Variants in TENM4 observed in about 807,000 individuals in gnomAD.
TENM4 encodes the protein teneurin transmembrane protein 4.
Under a neutral mutation model 243.3 loss-of-function variants are expected in TENM4, and 82 were observed. That is an observed-to-expected ratio of 0.34 (90% CI 0.28 to 0.40). The LOEUF (loss-of-function observed/expected upper bound fraction) is 0.40, where lower values mean the gene tolerates loss of function less well. Ranked by LOEUF, TENM4 falls within the 10% of genes least tolerant of loss-of-function variation. The pLI, the probability that TENM4 is intolerant of heterozygous loss-of-function variation, is 1.00. For missense variants in TENM4, 3,138 were observed against 3,673.3 expected (o/e 0.85, Z 3.77); for synonymous variants, 1,412 against 1,456.3 (o/e 0.97, Z 0.69).
intron 6 of TENM4, among the ~76,000 whole-genome samples, chr11:79,052,502 G>C (rs1390783234): frequency 1.3e-5 from 2 of 152,192 alleles, no homozygotes. Context: ...TCATGGTAAT[G>C]AAATGAAGTA....
intron 6 of TENM4, among the ~76,000 whole-genome samples, chr11:78,944,295 T>C (rs1215295941): frequency 6.6e-6 from 1 of 151,916 alleles, no homozygotes; most frequent in African/African-American, 2.4e-5. Context: ...CTGATTCTGG[T>C]CCACACTTTC....
intron 15 of TENM4, among the ~76,000 whole-genome samples, chr11:78,792,594 G>C (rs1306012762): frequency 6.6e-6 from 1 of 152,164 alleles, no homozygotes; most frequent in African/African-American, 2.4e-5. Context: ...CACCTGATGG[G>C]AAGATCAATG....
intron 12 of TENM4, among the ~76,000 whole-genome samples, chr11:78,819,921 C>T (rs1857691053): frequency 6.6e-6 from 1 of 152,122 alleles, no homozygotes; most frequent in African/African-American, 2.4e-5. Flanking sequence ...CCTGGCTTCC[C>T]CAGAGGAGGA....
chr11:79,420,979 T>G (rs181203600), intron 1 of TENM4, among the ~76,000 whole-genome samples: 1 of 152,286 alleles, frequency 6.6e-6, no homozygotes, highest in African/African-American at 2.4e-5. Context: ...AAAACCAGGC[T>G]TCTAGAGTGC....
intron 2 of TENM4, among the ~76,000 whole-genome samples, chr11:79,253,865 A>G (rs975335949): frequency 3.9e-5 from 6 of 152,238 alleles, no homozygotes; most frequent in Admixed American, 6.5e-5. Flanking sequence ...AAAAAAATAG[A>G]CAAAGAATAT....
At chr11:79,145,747 A>T (rs759033142) in intron 4 of TENM4, among the ~76,000 whole-genome samples, 2 of 152,128 alleles carry the variant, frequency 1.3e-5, no homozygotes, top group Non-Finnish European at 2.9e-5. Flanking sequence ...ATTTCAGCTA[A>T]CAGTGTGTAA....
chr11:78,863,049 A>G lies in TENM4; in HGVS notation c.1168T>C (p.Trp390Arg). ...YEITEDTASS[W>R]PVPTDVSLYP... Reference sequence around the variant, plus strand: ...AGGGAGACGTCGGTTGGCACAGGCCAACTGCTGGCTGTGTCCTCCGTGATC... The same window carrying G: ...AGGGAGACGTCGGTTGGCACAGGCCGACTGCTGGCTGTGTCCTCCGTGATC... The change falls in exon 10 of 34, where the codon TGG becomes CGG. Residue 390 changes from tryptophan to arginine, a missense_variant. Physicochemically the swap from Trp to Arg is moderately radical, Grantham distance 101 (BLOSUM62 -3). Transcript: ENST00000278550. 1 of 1,539,024 alleles carries G rather than the reference A, an allele frequency of 6.5e-7. No homozygotes were observed. The highest frequency in any genetic ancestry group is 8.8e-7 in the Non-Finnish European group (1 of 1,137,360).
intron 22 of TENM4, among the ~76,000 whole-genome samples, chr11:78,727,468 GA>G (rs1431676235): frequency 2.6e-5 from 4 of 151,160 alleles, no homozygotes; most frequent in South Asian, 2.1e-4. Flanking sequence ...TATGAAAAAA[GA>G]AAACTAGTTG....
intron 6 of TENM4, among the ~76,000 whole-genome samples, chr11:79,015,326 C>T (rs890473970): frequency 6.9e-6 from 1 of 145,944 alleles, no homozygotes; most frequent in Non-Finnish European, 1.6e-5. Flanking sequence ...CTTTGCTGCA[C>T]TGAGTGACGC....
chr11:78,744,459 G>A (rs1856001179), intron 19 of TENM4, among the ~76,000 whole-genome samples: 1 of 152,186 alleles, frequency 6.6e-6, no homozygotes, highest in Non-Finnish European at 1.5e-5. Context: ...ACAGGGAATG[G>A]ACTTGCCCAT....
At chr11:79,137,266 A>G (rs555139372) in intron 4 of TENM4, among the ~76,000 whole-genome samples, 16 of 152,248 alleles carry the variant, frequency 1.1e-4, no homozygotes, top group African/African-American at 3.8e-4. Context: ...AGGGAGTTAC[A>G]GTGTTGGCTG....
intron 1 of TENM4, among the ~76,000 whole-genome samples, chr11:79,308,708 C>G (rs1856667524): frequency 6.6e-6 from 1 of 152,226 alleles, no homozygotes; most frequent in Non-Finnish European, 1.5e-5. Context: ...TTAGAGTTAA[C>G]TCGAGGCTAG....
At chr11:78,850,438 T>C (rs1044757696) in intron 12 of TENM4, among the ~76,000 whole-genome samples, 5 of 152,178 alleles carry the variant, frequency 3.3e-5, no homozygotes, top group Non-Finnish European at 7.3e-5. Flanking sequence ...TACAATTATA[T>C]ATTGGGGCCA....
chr11:79,040,719 T>A lies in TENM4; in HGVS notation c.493+24019A>T, dbSNP rs916277628. On this transcript the variant is annotated intron_variant, in intron 6 of 33. Transcript: ENST00000278550. The stretch of plus-strand genomic sequence containing the variant: ...CTTGCCAAGCTCAAGGCAAGTCACA[T>A]GGTGTTCAGGCCTCTTTACTCCCCC... Among the ~76,000 whole-genome samples, 6 of 152,258 alleles carry A rather than the reference T, an allele frequency of 3.9e-5. No homozygotes were observed. The South Asian group carries it at 1.0e-3, about 26-fold the overall frequency.
chr11:79,242,726 C>T (rs980343913), intron 2 of TENM4, among the ~76,000 whole-genome samples: 1 of 152,202 alleles, frequency 6.6e-6, no homozygotes, highest in Non-Finnish European at 1.5e-5. Context: ...ATTTTTCACT[C>T]ACATAAATAA....
intron 6 of TENM4, among the ~76,000 whole-genome samples, chr11:78,986,437 G>A (rs1404101936): frequency 6.6e-6 from 1 of 152,204 alleles, no homozygotes; most frequent in Admixed American, 6.5e-5. Flanking sequence ...ATGGGAACCT[G>A]TCATATTGTA....
At chr11:79,437,187 G>A (rs963859760) in intron 1 of TENM4, among the ~76,000 whole-genome samples, 1 of 152,168 alleles carries the variant, frequency 6.6e-6, no homozygotes, top group Non-Finnish European at 1.5e-5. Context: ...ACCTGGAAAG[G>A]GGAAACCTGT....
rs761178978 is a variant in TENM4 at position 78,786,898 on chromosome 11, C to T, written c.2365G>A (p.Ala789Thr). 7 of 1,607,072 alleles carry T rather than the reference C, an allele frequency of 4.4e-6. No homozygotes were observed. Among genetic ancestry groups the T allele is most frequent in the Admixed American group, 1.7e-5 (1 of 59,534 alleles). ...PGWNGEHCTI[A>T]HYLDRVVKEG... ...ACCCGGGGACCTCGGCCCGCCATAC[C>T]GATGGTGCAGTGTTCGCCATTCCAG... The change falls in exon 16 of 34, where the codon GCT becomes ACT. Residue 789 changes from alanine to threonine, a missense_variant and splice_region_variant. Around this residue, in one of 2 missense-constraint regions of TENM4, gnomAD observed 2,467 missense variants for 3,059.1 expected, o/e 0.81. Coordinates refer to ENST00000278550, the MANE Select transcript of TENM4 (RefSeq NM_001098816.3).
chr11:79,184,505 A>C (rs1169413796), intron 3 of TENM4, among the ~76,000 whole-genome samples: 1 of 145,182 alleles, frequency 6.9e-6, no homozygotes, highest in East Asian at 2.2e-4. Flanking sequence ...CTAGGTTCCT[A>C]ACCACTTACT....
Sources: gnomAD v4.1 joint callset for allele counts (sites outside exome capture counted in the v4.1 genomes callset) on GRCh38, gnomAD v4.1.1 for gene constraint, gnomAD v4.1.1 regional missense constraint, MANE v1.5 for transcripts, NCBI Gene and HGNC (gene_info 2026-07-23, HGNC 2026-07-21) for gene names.